The following PTCSC3 variants were observed in gnomAD, a reference collection of about 807,000 sequenced individuals.
PTCSC3 encodes papillary thyroid carcinoma susceptibility candidate 3 (non-protein coding).
At chr14:36,176,695 C>T (rs149694102), upstream of PTCSC3, among the ~76,000 whole-genome samples, 22 of 152,192 alleles carry the variant, frequency 1.4e-4, no homozygotes, top group African/African-American at 4.8e-4. Flanking sequence ...ATAAGCTATT[C>T]CTTCATGCCT....
At chr14:36,152,377 C>T (rs532161881) in intron 3 of PTCSC3, among the ~76,000 whole-genome samples, 1 of 151,978 alleles carries the variant, frequency 6.6e-6, no homozygotes, top group African/African-American at 2.4e-5. Flanking sequence ...ATTGCTTGAG[C>T]CCAGGAATTT....
chr14:36,161,410 T>C lies in PTCSC3; in HGVS notation n.231+1214A>G, dbSNP rs549962791. Among the ~76,000 whole-genome samples the C allele has an allele frequency of 7.2e-5, 11 of 152,286 alleles. No individual in the cohort carries two copies. In the South Asian group the frequency reaches 1.7e-3, roughly 23 times the overall value. On this transcript the variant is annotated intron_variant and non_coding_transcript_variant, in intron 2 of 3. Transcript: ENST00000556013. ...TGACTTTTGGATGGGGTTTTCTGTGTCTGGACATCCTTTTTGTTGATGTTG... is the reference window on the plus strand; with the variant it reads ...TGACTTTTGGATGGGGTTTTCTGTGCCTGGACATCCTTTTTGTTGATGTTG...
downstream of PTCSC3, among the ~76,000 whole-genome samples, chr14:36,135,076 A>G (rs190728777): frequency 1.5e-4 from 23 of 152,378 alleles, no homozygotes; most frequent in Non-Finnish European, 1.2e-4. Context: ...AGCTAATGGC[A>G]GCATAAGCCA....
intron 1 of PTCSC3, among the ~76,000 whole-genome samples, chr14:36,174,149 C>T (rs985098168): frequency 3.9e-5 from 6 of 151,902 alleles, no homozygotes; most frequent in African/African-American, 7.3e-5. Flanking sequence ...GTGGGGAGTT[C>T]GGGGCCATGA....
intron 1 of PTCSC3, among the ~76,000 whole-genome samples, chr14:36,168,398 T>TATATATATATATATA (rs1594456883): frequency 1.5e-4 from 21 of 142,730 alleles, no homozygotes; most frequent in East Asian, 4.2e-4. Context: ...TATATATATA[T>TATATATATATATATA]TCTACTTTTT....
chr14:36,160,843 A>G (rs1164062792), intron 2 of PTCSC3, among the ~76,000 whole-genome samples: 1 of 152,116 alleles, frequency 6.6e-6, no homozygotes, highest in Non-Finnish European at 1.5e-5. Flanking sequence ...TATTCTCCCC[A>G]TCACTTTCAG....
intron 2 of PTCSC3, among the ~76,000 whole-genome samples, chr14:36,155,237 C>T (rs75003403): frequency 0.024 from 3,626 of 152,192 alleles, 137 homozygotes; most frequent in African/African-American, 0.084. Flanking sequence ...AATTATTTTT[C>T]TTCCTTATCT....
intron 2 of PTCSC3, among the ~76,000 whole-genome samples, chr14:36,158,268 T>C (rs535888787): frequency 2.0e-5 from 3 of 152,346 alleles, no homozygotes; most frequent in Admixed American, 1.3e-4. Context: ...CTGATTGCCC[T>C]GGCCAGAAGT....
chr14:36,140,127 T>C (rs1881386340), intron 3 of PTCSC3, among the ~76,000 whole-genome samples: 1 of 152,244 alleles, frequency 6.6e-6, no homozygotes, highest in Non-Finnish European at 1.5e-5. Context: ...CTTTGCAATA[T>C]GCATTTGTTT....
At chr14:36,162,720 C>CA (rs1258617086) in intron 1 of PTCSC3, 1 of 152,234 alleles carries the variant, frequency 6.6e-6, no homozygotes, top group Non-Finnish European at 1.5e-5. Context: ...AGAGTCAGTC[C>CA]ATGATAGATT....
At chr14:36,156,560 C>T (rs1594451578) in intron 2 of PTCSC3, among the ~76,000 whole-genome samples, 1 of 152,274 alleles carries the variant, frequency 6.6e-6, no homozygotes, top group East Asian at 1.9e-4. Context: ...TATCTCTCCC[C>T]TAGCCCCCAA....
At chr14:36,135,889 GTATA>G (rs947761485), downstream of PTCSC3, among the ~76,000 whole-genome samples, 1 of 139,338 alleles carries the variant, frequency 7.2e-6, no homozygotes, top group African/African-American at 2.5e-5. Context: ...GTGTGTGTGT[GTATA>G]TATATATGTG....
intron 3 of PTCSC3, among the ~76,000 whole-genome samples, chr14:36,147,095 A>AT (rs1881592760): frequency 6.6e-6 from 1 of 151,646 alleles, no homozygotes; most frequent in Admixed American, 6.6e-5. Context: ...TGCCCTTAAC[A>AT]TTTTTTCCTT....
chr14:36,142,960 A>G (rs1881461703), intron 3 of PTCSC3, among the ~76,000 whole-genome samples: 1 of 151,424 alleles, frequency 6.6e-6, no homozygotes, highest in South Asian at 2.1e-4. Flanking sequence ...TTCCAATTTC[A>G]CCCATGTCCC....
In PTCSC3 at chr14:36,167,310, T is replaced by C. The variant is rs73256199; in HGVS notation, n.172-4627A>G. 5.2e-3 allele frequency among the ~76,000 whole-genome samples: 788 copies of C among 152,292 alleles called. 3 individuals are homozygous for C. The highest frequency in any genetic ancestry group is 0.018 in the African/African-American group (744 of 41,556). On this transcript the variant is annotated intron_variant and non_coding_transcript_variant, in intron 1 of 3. Coordinates refer to ENST00000556013, the Ensembl canonical transcript of PTCSC3. The stretch of plus-strand genomic sequence containing the variant: ...CCCATTTCCTCTGTTAGGTTTTTTT[T>C]CCCTTTCTCTGCACACTGGTGAAAA...
At chr14:36,172,927 AAAAC>A (rs1882215247) in intron 1 of PTCSC3, among the ~76,000 whole-genome samples, 2 of 151,566 alleles carry the variant, frequency 1.3e-5, no homozygotes, top group African/African-American at 4.9e-5. Flanking sequence ...TGTTAACATA[AAAAC>A]TTAAAACTTG....
At chr14:36,150,526 G>A (rs1186344367) in intron 3 of PTCSC3, among the ~76,000 whole-genome samples, 1 of 152,180 alleles carries the variant, frequency 6.6e-6, no homozygotes, top group Non-Finnish European at 1.5e-5. Flanking sequence ...GCAGCCTGAA[G>A]GGACTGACAT....
chr14:36,168,161 T>C (rs1163379646), intron 1 of PTCSC3, among the ~76,000 whole-genome samples: 2 of 152,036 alleles, frequency 1.3e-5, no homozygotes, highest in African/African-American at 4.8e-5. Context: ...ATTTTCTCTA[T>C]ATGACTTTGG....
At chr14:36,136,866 A>G (rs2139084782) in intron 3 of PTCSC3, among the ~76,000 whole-genome samples, 1 of 152,322 alleles carries the variant, frequency 6.6e-6, no homozygotes, top group South Asian at 2.1e-4. Flanking sequence ...GAGATATTGA[A>G]TGGCTAGAAG....
Sources: allele counts gnomAD v4.1 joint callset (sites outside exome capture counted in the v4.1 genomes callset), GRCh38; gene constraint gnomAD v4.1.1; transcripts MANE v1.5; gene names NCBI Gene and HGNC (gene_info 2026-07-23, HGNC 2026-07-21).